The following CHRM2 variants were observed in gnomAD, a reference collection of about 807,000 sequenced individuals.
CHRM2 encodes the protein cholinergic receptor muscarinic 2, also known as muscarinic acetylcholine receptor M2.
A neutral mutation model predicts 25.0 loss-of-function variants in CHRM2; 8 were observed. That is an observed-to-expected ratio of 0.32 (90% CI 0.19 to 0.58). CHRM2 has a LOEUF of 0.58. Ranked by LOEUF, CHRM2 falls within the 20% of genes least tolerant of loss-of-function variation. The pLI is 0.88. For synonymous variants in CHRM2, 202 were observed against 205.7 expected, an observed-to-expected ratio of 0.98 and a Z score of 0.15; for missense variants, 440 against 567.1, an observed-to-expected ratio of 0.78 and a Z score of 2.28.
chr7:136,896,747 G>T (rs954457476), intron 2 of CHRM2, among the ~76,000 whole-genome samples: 1 of 152,148 alleles, frequency 6.6e-6, no homozygotes, highest in African/African-American at 2.4e-5. Context: ...AGTTGATCAT[G>T]ACTCAACTAG....
intron 2 of CHRM2, among the ~76,000 whole-genome samples, chr7:136,885,973 G>T (rs934595176): frequency 4.6e-5 from 7 of 152,106 alleles, no homozygotes; most frequent in African/African-American, 1.7e-4. Context: ...GAAATGGAAA[G>T]GAAGGCTGAA....
chr7:136,926,640 A>T (rs1267572880), intron 2 of CHRM2, among the ~76,000 whole-genome samples: 1 of 152,210 alleles, frequency 6.6e-6, no homozygotes, highest in Admixed American at 6.5e-5. Context: ...AGCATGAAAC[A>T]TTGCAAAGGA....
chr7:136,873,056 A>G (rs1795901711), intron 2 of CHRM2, among the ~76,000 whole-genome samples: 1 of 152,152 alleles, frequency 6.6e-6, no homozygotes, highest in Non-Finnish European at 1.5e-5. Context: ...TTAAACTTAT[A>G]TTTGACTTGC....
At chr7:136,994,288 T>A (rs1050305343) in intron 3 of CHRM2, among the ~76,000 whole-genome samples, 4 of 152,222 alleles carry the variant, frequency 2.6e-5, no homozygotes, top group Admixed American at 2.6e-4. Flanking sequence ...TTTGTATCCA[T>A]GCTTACTGCA....
Position 137,003,374 on chromosome 7 carries a change from T to G in CHRM2, c.-47+11110T>G, listed in dbSNP as rs1046576685. On this transcript the variant is annotated intron_variant, in intron 3 of 3. Coordinates refer to ENST00000680005, the MANE Select transcript of CHRM2 (RefSeq NM_001006630.2). ...CTTTATGAGAAATTTTCCTTAACCT[T>G]TAGAAGAACAGAGACATTCTTTCTT... 3.3e-5 allele frequency among the ~76,000 whole-genome samples: 5 copies of G among 152,076 alleles called. No homozygotes were observed. In the East Asian group the frequency reaches 7.7e-4, roughly 24 times the overall value.
At chr7:136,921,200 C>A (rs781638167) in intron 2 of CHRM2, among the ~76,000 whole-genome samples, 4 of 152,194 alleles carry the variant, frequency 2.6e-5, no homozygotes, top group Middle Eastern at 3.4e-3. Context: ...CATTTACTAA[C>A]CTCCAGGTCG....
intron 2 of CHRM2, among the ~76,000 whole-genome samples, chr7:136,978,188 A>G (rs1802237020): frequency 6.6e-6 from 1 of 152,120 alleles, no homozygotes; most frequent in African/African-American, 2.4e-5. Flanking sequence ...CCCACGCAAT[A>G]AATCTCCCTT....
At chr7:136,893,325 C>A (rs563291932) in intron 2 of CHRM2, among the ~76,000 whole-genome samples, 1 of 152,294 alleles carries the variant, frequency 6.6e-6, no homozygotes, top group Non-Finnish European at 1.5e-5. Flanking sequence ...GGAAGTGTCA[C>A]CCTTCCATTA....
At chr7:136,987,552 G>A (rs527244945) in intron 2 of CHRM2, among the ~76,000 whole-genome samples, 94 of 152,256 alleles carry the variant, frequency 6.2e-4, no homozygotes, top group African/African-American at 2.2e-3. Context: ...ACTTAACATG[G>A]TCCTCACAGT....
chr7:136,921,501 T>C (rs1311532742), intron 2 of CHRM2, among the ~76,000 whole-genome samples: 1 of 152,162 alleles, frequency 6.6e-6, no homozygotes, highest in Non-Finnish European at 1.5e-5. Flanking sequence ...ATTGCATGTG[T>C]CCCTCGTGCA....
intron 2 of CHRM2, among the ~76,000 whole-genome samples, chr7:136,923,746 T>C (rs1458743069): frequency 1.3e-5 from 2 of 152,174 alleles, no homozygotes; most frequent in African/African-American, 4.8e-5. Flanking sequence ...TGGTGTCTCA[T>C]GCTTTTAATC....
At position 136,999,615 on chromosome 7, in the gene CHRM2, T is replaced by C. The variant is rs184157169; in HGVS notation, c.-47+7351T>C. Among the ~76,000 whole-genome samples, 930 of 152,012 alleles carry C rather than the reference T, an allele frequency of 6.1e-3. 9 individuals are homozygous for C. The highest frequency in any genetic ancestry group is 0.021 in the African/African-American group (871 of 41,436). The stretch of plus-strand genomic sequence containing the variant: ...TCCTGTGTCCATGTGTTCTCATTGT[T>C]CAATTCCCACCTATGAGTGTATTTT... On this transcript the variant is annotated intron_variant, in intron 3 of 3. Coordinates refer to ENST00000680005, the MANE Select transcript of CHRM2 (RefSeq NM_001006630.2).
chr7:136,957,624 G>T (rs531505856), intron 2 of CHRM2, among the ~76,000 whole-genome samples: 3 of 152,304 alleles, frequency 2.0e-5, no homozygotes, highest in African/African-American at 2.4e-5. Flanking sequence ...ACATGTATCT[G>T]AAAAAGCCAC....
At chr7:137,007,108 G>A (rs936950449) in intron 3 of CHRM2, among the ~76,000 whole-genome samples, 3 of 152,094 alleles carry the variant, frequency 2.0e-5, no homozygotes, top group Admixed American at 6.6e-5. Context: ...AAAAGAGAAA[G>A]GGAAAGAGAG....
At chr7:136,921,938 T>G (rs895300905) in intron 2 of CHRM2, among the ~76,000 whole-genome samples, 9 of 151,980 alleles carry the variant, frequency 5.9e-5, no homozygotes, top group African/African-American at 1.4e-4. Flanking sequence ...GGCTAATTTT[T>G]GTATTTCTAG....
intron 2 of CHRM2, among the ~76,000 whole-genome samples, chr7:136,948,274 G>A (rs1339181116): frequency 6.6e-6 from 1 of 152,138 alleles, no homozygotes; most frequent in East Asian, 1.9e-4. Context: ...CTATTATGGG[G>A]TCTTTCTACG....
Position 137,015,915 on chromosome 7 carries a change from A to G in CHRM2, c.1050A>G (p.Ser350=), listed in dbSNP as rs60372903. ...CCACCGTGGAGGTAGTGGGGTCTTC[A>G]GGTCAGAATGGAGATGAAAAGCAGA... ...TNTTVEVVGS[S]GQNGDEKQNI... is the part of the protein sequence containing the mutation. The change falls in exon 4 of 4, where the codon TCA becomes TCG. Residue 350 remains serine (S), a synonymous_variant. Coordinates refer to ENST00000680005, the MANE Select transcript of CHRM2 (RefSeq NM_001006630.2). This position sits in a 1 kb window ranked among gnomAD's most constrained non-coding sequence, Gnocchi z 5.1. 1.5e-3 allele frequency: 2,391 copies of G among 1,613,150 alleles called. 69 individuals are homozygous for G. In the East Asian group the frequency reaches 0.05, roughly 34 times the overall value.
intron 2 of CHRM2, among the ~76,000 whole-genome samples, chr7:136,882,032 G>C (rs541411622): frequency 1.2e-3 from 187 of 152,152 alleles, no homozygotes; most frequent in African/African-American, 4.1e-3. Context: ...AGCAGACAGA[G>C]TATTCTTGTT....
At chr7:136,892,823 C>T (rs1305595860) in intron 2 of CHRM2, among the ~76,000 whole-genome samples, 2 of 152,022 alleles carry the variant, frequency 1.3e-5, no homozygotes, top group East Asian at 1.9e-4. Context: ...GCACATGCCA[C>T]CACGCCTGGC....
Sources: allele counts gnomAD v4.1 joint callset (sites outside exome capture counted in the v4.1 genomes callset), GRCh38; gene constraint gnomAD v4.1.1; non-coding constraint Gnocchi (gnomAD v3.1); transcripts MANE v1.5; gene names NCBI Gene and HGNC (gene_info 2026-07-23, HGNC 2026-07-21).